Variants in SORCS2 observed in about 807,000 individuals in gnomAD.
SORCS2 encodes sortilin related VPS10 domain containing receptor 2.
A neutral mutation model predicts 141.6 loss-of-function variants in SORCS2; 100 were observed. That is an observed-to-expected ratio of 0.71 (90% CI 0.60 to 0.83). The LOEUF is 0.83. Among genes scored for constraint, SORCS2 ranks in the 40% least tolerant of loss-of-function variants. The pLI is 0.00. For synonymous variants in SORCS2, 789 were observed against 676.9 expected, an observed-to-expected ratio of 1.17 and a Z score of -2.57; for missense variants, 1,646 against 1,560.2, an observed-to-expected ratio of 1.05 and a Z score of -0.93.
chr4:7,698,290 G>C (rs1248555485), intron 12 of SORCS2, among the ~76,000 whole-genome samples: 1 of 152,264 alleles, frequency 6.6e-6, no homozygotes, highest in Non-Finnish European at 1.5e-5. Flanking sequence ...TGTTTTACAC[G>C]CCCGAGTACC....
At chr4:7,342,666 C>T (rs1720432233) in intron 1 of SORCS2, among the ~76,000 whole-genome samples, 1 of 152,114 alleles carries the variant, frequency 6.6e-6, no homozygotes. Flanking sequence ...TGCAAAGCTT[C>T]CAGCAGCCCT....
chr4:7,351,193 G>A (rs1189142354), intron 1 of SORCS2, among the ~76,000 whole-genome samples: 6 of 152,142 alleles, frequency 3.9e-5, no homozygotes, highest in African/African-American at 9.7e-5. Flanking sequence ...CACTGTCACC[G>A]CAGTGTAATT....
intron 1 of SORCS2, among the ~76,000 whole-genome samples, chr4:7,373,479 T>TATATA (rs60434529): frequency 1.9e-4 from 3 of 15,520 alleles, no homozygotes; most frequent in South Asian, 3.9e-3. Context: ...TATATATATA[T>TATATA]TTTTTTTTTT....
At chr4:7,662,088 G>A (rs1359588687) in intron 6 of SORCS2, among the ~76,000 whole-genome samples, 3 of 152,166 alleles carry the variant, frequency 2.0e-5, no homozygotes, top group Non-Finnish European at 2.9e-5. Flanking sequence ...CTCGGGGCCC[G>A]AGGCCAGTCA....
At chr4:7,217,063 C>T (rs1728404526) in intron 1 of SORCS2, among the ~76,000 whole-genome samples, 1 of 152,264 alleles carries the variant, frequency 6.6e-6, no homozygotes, top group Admixed American at 6.5e-5. Flanking sequence ...GGTCTGGCCT[C>T]ACTTCTTAGC....
chr4:7,655,754 C>T (rs560207074), intron 5 of SORCS2, among the ~76,000 whole-genome samples: 11 of 152,296 alleles, frequency 7.2e-5, no homozygotes, highest in South Asian at 2.1e-4. Flanking sequence ...CCTGAGCGCT[C>T]GCAGAGGTGG....
At chr4:7,556,883 T>TCCAC in intron 3 of SORCS2, among the ~76,000 whole-genome samples, 2 of 136,782 alleles carry the variant, frequency 1.5e-5, no homozygotes, top group South Asian at 5.0e-4. Context: ...CCATCCACCA[T>TCCAC]CCACCCACCC....
chr4:7,198,279 G>T (rs1044624111), intron 1 of SORCS2, among the ~76,000 whole-genome samples: 1 of 152,140 alleles, frequency 6.6e-6, no homozygotes, highest in Non-Finnish European at 1.5e-5. Flanking sequence ...CCTCCAGAGT[G>T]CAGAGACCAT....
At position 7,724,108 on chromosome 4, in the gene SORCS2, G is replaced by A. The variant is rs1388630699; in HGVS notation, c.2611+225G>A. ...AGCTGGTGGTGATATTGATGATAGT[G>A]GTGGTGATGGTGGTGGTGGTGGTGG... On this transcript the variant is annotated intron_variant, in intron 19 of 26. Coordinates refer to ENST00000507866, the MANE Select transcript of SORCS2 (RefSeq NM_020777.3). Among the ~76,000 whole-genome samples, 5 of 148,000 alleles carry A rather than the reference G, an allele frequency of 3.4e-5. No homozygotes were observed. In the East Asian group the frequency reaches 1.0e-3, roughly 30 times the overall value.
rs866786990 is a variant in SORCS2 at position 7,355,927 on chromosome 4, A to T, written c.481-40361A>T. ...AGGAGGCAAAGCTTCCTTGGCTGGGATCCTGCAATGCTCCACCTGCCCTCT... is the reference window on the plus strand; with the variant it reads ...AGGAGGCAAAGCTTCCTTGGCTGGGTTCCTGCAATGCTCCACCTGCCCTCT... On this transcript the variant is annotated intron_variant, in intron 1 of 26. Transcript: ENST00000507866. Among the ~76,000 whole-genome samples, 3 of 152,292 alleles carry T rather than the reference A, an allele frequency of 2.0e-5. No homozygotes were observed. The South Asian group carries it at 6.2e-4, about 32-fold the overall frequency.
At chr4:7,403,961 G>GTGTA in intron 2 of SORCS2, among the ~76,000 whole-genome samples, 1 of 29,902 alleles carries the variant, frequency 3.3e-5, no homozygotes, top group African/African-American at 1.1e-4. Flanking sequence ...CTCCATGTGT[G>GTGTA]TATATATATA....
At chr4:7,257,820 C>T (rs935216293) in intron 1 of SORCS2, among the ~76,000 whole-genome samples, 1 of 152,222 alleles carries the variant, frequency 6.6e-6, no homozygotes, top group South Asian at 2.1e-4. Context: ...ACCTGGCCTC[C>T]CTGGCCCTGG....
chr4:7,255,758 C>G (rs1326232260), intron 1 of SORCS2, among the ~76,000 whole-genome samples: 1 of 152,166 alleles, frequency 6.6e-6, no homozygotes, highest in Non-Finnish European at 1.5e-5. Flanking sequence ...CTGCCACAGA[C>G]AGGCCAGGGC....
intron 1 of SORCS2, among the ~76,000 whole-genome samples, chr4:7,348,302 T>G (rs1720753012): frequency 6.6e-6 from 1 of 152,212 alleles, no homozygotes; most frequent in South Asian, 2.1e-4. Context: ...AAGCATATTG[T>G]GCGAGGAAAC....
At chr4:7,394,797 C>T (rs1402376370) in intron 1 of SORCS2, among the ~76,000 whole-genome samples, 1 of 152,088 alleles carries the variant, frequency 6.6e-6, no homozygotes, top group East Asian at 1.9e-4. Context: ...CCGAGCTCCA[C>T]CCCCCGAGGC....
chr4:7,655,035 C>T (rs1196203647), intron 5 of SORCS2, among the ~76,000 whole-genome samples: 1 of 152,156 alleles, frequency 6.6e-6, no homozygotes, highest in Non-Finnish European at 1.5e-5. Context: ...AGGGCTTGCC[C>T]AGGGTCTTAG....
chr4:7,473,392 GCCCA>G (rs1730098551), intron 2 of SORCS2, among the ~76,000 whole-genome samples: 1 of 152,142 alleles, frequency 6.6e-6, no homozygotes, highest in African/African-American at 2.4e-5. Flanking sequence ...GTATACGGAT[GCCCA>G]TCAGGACAGC....
intron 1 of SORCS2, among the ~76,000 whole-genome samples, chr4:7,275,988 C>T (rs1012250549): frequency 9.9e-5 from 15 of 152,128 alleles, no homozygotes; most frequent in Admixed American, 5.9e-4. Flanking sequence ...GAGTGTGAGA[C>T]GGTAGAGTGA....
At chr4:7,556,834 T>C (rs1181884567) in intron 3 of SORCS2, among the ~76,000 whole-genome samples, 1 of 132,640 alleles carries the variant, frequency 7.5e-6, no homozygotes, top group Non-Finnish European at 1.6e-5. Context: ...TACCCATCCA[T>C]CCACCTACCA....
Sources: gnomAD v4.1 joint callset for allele counts (sites outside exome capture counted in the v4.1 genomes callset) on GRCh38, gnomAD v4.1.1 for gene constraint, MANE v1.5 for transcripts, NCBI Gene and HGNC (gene_info 2026-07-23, HGNC 2026-07-21) for gene names.